PSD3: variants seen among roughly 807,000 people sequenced by gnomAD.
The protein encoded by PSD3 is pleckstrin and Sec7 domain containing 3.
PSD3 carries 49 observed loss-of-function variants against 105.5 expected under a neutral mutation model. The ratio of observed to expected loss-of-function variants is 0.46; its 90% confidence interval spans 0.37 to 0.59. The LOEUF is 0.59. Ranked by LOEUF, PSD3 falls within the 20% of genes least tolerant of loss-of-function variation. The pLI is 0.00. For synonymous variants in PSD3, 557 were observed against 457.8 expected (o/e 1.22, Z -2.77); for missense variants, 1,561 against 1,263.8 (o/e 1.24, Z -3.57).
chr8:18,977,449 T>A (rs1000237912), intron 1 of PSD3, among the ~76,000 whole-genome samples: 1 of 152,102 alleles, frequency 6.6e-6, no homozygotes, highest in Non-Finnish European at 1.5e-5. Flanking sequence ...ACAGTCCCCC[T>A]GGCATATAGT....
At chr8:19,071,184 C>A (rs556175863) in intron 1 of PSD3, among the ~76,000 whole-genome samples, 2 of 151,888 alleles carry the variant, frequency 1.3e-5, no homozygotes, top group Non-Finnish European at 2.9e-5. Context: ...CTCAGCCTCC[C>A]GATTAGCTGG....
intron 11 of PSD3, among the ~76,000 whole-genome samples, chr8:18,623,603 C>T (rs929241546): frequency 4.7e-5 from 7 of 148,620 alleles, no homozygotes; most frequent in Non-Finnish European, 1.0e-4. Context: ...TTGCATGTAC[C>T]ACTGTACTCC....
chr8:18,839,662 A>G (rs1814444482), intron 4 of PSD3, among the ~76,000 whole-genome samples: 1 of 152,184 alleles, frequency 6.6e-6, no homozygotes. Flanking sequence ...CAGCTCCAGT[A>G]GTTATAGAAC....
chr8:18,831,450 C>T (rs544070578), intron 4 of PSD3, among the ~76,000 whole-genome samples: 94 of 152,240 alleles, frequency 6.2e-4, no homozygotes, highest in Middle Eastern at 6.8e-3. Flanking sequence ...GGCCAGATGC[C>T]GTGGCTCATG....
chr8:18,553,141 C>T (rs1800877111), intron 15 of PSD3, among the ~76,000 whole-genome samples: 1 of 152,152 alleles, frequency 6.6e-6, no homozygotes, highest in African/African-American at 2.4e-5. Flanking sequence ...TTACTAACAG[C>T]TTAATATTCT....
intron 1 of PSD3, among the ~76,000 whole-genome samples, chr8:18,993,048 C>T (rs1825889711): frequency 5.9e-5 from 9 of 152,126 alleles, no homozygotes; most frequent in Admixed American, 4.6e-4. Flanking sequence ...CTTCCAAATG[C>T]AATAATTTAA....
intron 2 of PSD3, among the ~76,000 whole-genome samples, chr8:18,898,030 T>C (rs1271381319): frequency 1.3e-5 from 2 of 152,208 alleles, no homozygotes; most frequent in East Asian, 3.8e-4. Context: ...AGTTTGCAGC[T>C]TTCCCCAGTT....
chr8:18,650,646 T>C (rs1808405082), intron 10 of PSD3, among the ~76,000 whole-genome samples: 1 of 152,224 alleles, frequency 6.6e-6, no homozygotes, highest in African/African-American at 2.4e-5. Context: ...TATTCATATT[T>C]GTATCTAGGG....
At chr8:18,723,521 C>T (rs542041371) in intron 9 of PSD3, among the ~76,000 whole-genome samples, 5 of 152,242 alleles carry the variant, frequency 3.3e-5, no homozygotes, top group Middle Eastern at 3.4e-3. Flanking sequence ...TAGCACAGAG[C>T]GACATCCTGA....
chr8:18,757,548 G>T (rs1164897328), intron 9 of PSD3, among the ~76,000 whole-genome samples: 1 of 152,146 alleles, frequency 6.6e-6, no homozygotes, highest in Non-Finnish European at 1.5e-5. Flanking sequence ...TCAGGTAAGG[G>T]ACAAAGGGGC....
intron 1 of PSD3, among the ~76,000 whole-genome samples, chr8:18,985,388 A>AG (rs1825451987): frequency 6.6e-6 from 1 of 152,156 alleles, no homozygotes; most frequent in Admixed American, 6.5e-5. Context: ...TGGGGCCCTA[A>AG]ATTCCCTAAT....
At chr8:18,970,741 G>C (rs1198682901) in intron 1 of PSD3, among the ~76,000 whole-genome samples, 1 of 152,078 alleles carries the variant, frequency 6.6e-6, no homozygotes, top group Non-Finnish European at 1.5e-5. Flanking sequence ...GAACATATGA[G>C]GTTAGGACTT....
In PSD3 at chr8:18,665,716, G is replaced by C. The variant is rs545877112; in HGVS notation, c.2173-10031C>G. On this transcript the variant is annotated intron_variant, in intron 9 of 15. Transcript: ENST00000327040. Reference sequence around the variant, plus strand: ...AAGAGTCTACAGCTGGGTGTGGGTGGCGTGCATGCCAATGGTCTCAGCTAT... The same window carrying C: ...AAGAGTCTACAGCTGGGTGTGGGTGCCGTGCATGCCAATGGTCTCAGCTAT... 5.3e-5 allele frequency among the ~76,000 whole-genome samples: 8 copies of C among 152,274 alleles called. No homozygotes were observed. The East Asian group carries it at 1.5e-3, about 29-fold the overall frequency.
chr8:18,587,103 A>G (rs767069460), intron 12 of PSD3, among the ~76,000 whole-genome samples: 17 of 152,162 alleles, frequency 1.1e-4, no homozygotes, highest in Non-Finnish European at 2.5e-4. Flanking sequence ...AGGGAAGAAG[A>G]AGGAGAGACA....
chr8:19,006,722 C>T (rs771574828), intron 1 of PSD3, among the ~76,000 whole-genome samples: 1 of 152,088 alleles, frequency 6.6e-6, no homozygotes, highest in Non-Finnish European at 1.5e-5. Context: ...CGGGCACCTT[C>T]ACTTACCTAT....
chr8:19,047,588 T>C lies in PSD3; in HGVS notation c.324+36618A>G, dbSNP rs377053194. 2.7e-4 allele frequency among the ~76,000 whole-genome samples: 41 copies of C among 152,130 alleles called. 1 individual carries two copies. The highest frequency in any genetic ancestry group is 9.9e-4 in the African/African-American group (41 of 41,488). ...TGAGTTTTGGGGGAGGGAAACACAA[T>C]CTTTGCTTCCTTTACAACTACACCA... On this transcript the variant is annotated intron_variant, in intron 1 of 1. Transcript: ENST00000521475.
At chr8:19,078,125 G>C (rs537594432) in intron 1 of PSD3, among the ~76,000 whole-genome samples, 1 of 152,076 alleles carries the variant, frequency 6.6e-6, no homozygotes, top group African/African-American at 2.4e-5. Context: ...CGAACTCCCA[G>C]GCTCAACTGA....
chr8:18,574,588 T>C (rs151184138), intron 13 of PSD3, among the ~76,000 whole-genome samples: 1 of 152,178 alleles, frequency 6.6e-6, no homozygotes, highest in Admixed American at 6.5e-5. Flanking sequence ...AGTATAATCA[T>C]GGACTACTAG....
chr8:18,933,344 A>AGTTCC (rs1821869947), intron 2 of PSD3, among the ~76,000 whole-genome samples: 1 of 152,072 alleles, frequency 6.6e-6, no homozygotes, highest in Non-Finnish European at 1.5e-5. Context: ...GACATTTGGT[A>AGTTCC]TTATCTCTAT....
Sources: gnomAD v4.1 joint callset for allele counts (sites outside exome capture counted in the v4.1 genomes callset) on GRCh38, gnomAD v4.1.1 for gene constraint, MANE v1.5 for transcripts, NCBI Gene and HGNC (gene_info 2026-07-23, HGNC 2026-07-21) for gene names.